CMTM8: variants seen among roughly 807,000 people sequenced by gnomAD.
CMTM8 encodes CKLF-like MARVEL transmembrane domain-containing protein 8.
Under a neutral mutation model 18.6 loss-of-function variants are expected in CMTM8, and 12 were observed. The ratio of observed to expected loss-of-function variants is 0.65; its 90% CI spans 0.41 to 1.05. The LOEUF is 1.05. CMTM8 is among the 50% of genes least tolerant of loss of function. CMTM8 has a pLI of 0.00. For synonymous variants in CMTM8, 87 were observed against 90.6 expected, an observed-to-expected ratio of 0.96 and a Z score of 0.23; for missense variants, 217 against 227.2, an observed-to-expected ratio of 0.95 and a Z score of 0.29.
chr3:32,313,464 G>A (rs1002540984), intron 1 of CMTM8, among the ~76,000 whole-genome samples: 9 of 151,992 alleles, frequency 5.9e-5, no homozygotes, highest in Middle Eastern at 3.2e-3. Flanking sequence ...CACTATGCCC[G>A]GCTAATTTTT....
intron 3 of CMTM8, among the ~76,000 whole-genome samples, chr3:32,368,918 T>C (rs1236754682): frequency 1.3e-5 from 2 of 152,174 alleles, no homozygotes; most frequent in South Asian, 4.1e-4. Context: ...GGGAGGCAGT[T>C]AGACAGAAAT....
intron 1 of CMTM8, among the ~76,000 whole-genome samples, chr3:32,265,740 A>T (rs1010172113): frequency 2.3e-4 from 35 of 152,228 alleles, no homozygotes; most frequent in Admixed American, 3.9e-4. Flanking sequence ...GAGAAGAATC[A>T]AATAGACGCA....
At chr3:32,283,111 G>A (rs184315745) in intron 1 of CMTM8, among the ~76,000 whole-genome samples, 6 of 152,086 alleles carry the variant, frequency 3.9e-5, no homozygotes, top group Admixed American at 6.6e-5. Flanking sequence ...CACATAACAC[G>A]CACTAAATAA....
At chr3:32,306,940 G>A (rs866083008) in intron 1 of CMTM8, among the ~76,000 whole-genome samples, 21 of 152,352 alleles carry the variant, frequency 1.4e-4, no homozygotes, top group Admixed American at 3.3e-4. Context: ...CAGGCACAGT[G>A]TCTCACGCCT....
At position 32,259,882 on chromosome 3, in the gene CMTM8, T is replaced by C. The variant is rs1212830240; in HGVS notation, c.147+20763T>C. 3.3e-6 allele frequency: 3 copies of C among 912,770 alleles called. No individual in the cohort carries two copies. The African/African-American group carries it at 4.9e-5, about 15-fold the overall frequency. The allele number at this position is 912,770 out of a possible 1,614,324, so 56.5% of individuals were successfully genotyped here. On this transcript the variant is annotated intron_variant, in intron 1 of 3. Transcript: ENST00000307526. ...AGATTGACCTGGACTCCATGAGAAA[T>C]GTGAAGGCCAGCCTGGAGAACAGCC...
intron 1 of CMTM8, among the ~76,000 whole-genome samples, chr3:32,344,250 G>A (rs1188835351): frequency 6.6e-6 from 1 of 152,218 alleles, no homozygotes; most frequent in African/African-American, 2.4e-5. Context: ...AATCCCCTGA[G>A]CTAAGCCAGC....
chr3:32,322,817 T>G (rs1696082770), intron 1 of CMTM8, among the ~76,000 whole-genome samples: 1 of 152,242 alleles, frequency 6.6e-6, no homozygotes, highest in African/African-American at 2.4e-5. Flanking sequence ...GGATTGCCTT[T>G]TTCTTTCATG....
intron 1 of CMTM8, among the ~76,000 whole-genome samples, chr3:32,322,207 G>A (rs529295551): frequency 6.6e-6 from 1 of 152,164 alleles, no homozygotes; most frequent in Non-Finnish European, 1.5e-5. Flanking sequence ...CCAACTGAGT[G>A]TGCAGTCCAA....
At chr3:32,283,547 G>A (rs1333204920) in intron 1 of CMTM8, among the ~76,000 whole-genome samples, 1 of 152,178 alleles carries the variant, frequency 6.6e-6, no homozygotes, top group African/African-American at 2.4e-5. Flanking sequence ...GTTTACTGAG[G>A]TGCCATTGAT....
At chr3:32,306,861 G>C (rs1249793069) in intron 1 of CMTM8, among the ~76,000 whole-genome samples, 1 of 152,148 alleles carries the variant, frequency 6.6e-6, no homozygotes, top group Admixed American at 6.5e-5. Context: ...GTCCTTGGGT[G>C]CCTCATTGGA....
intron 1 of CMTM8, among the ~76,000 whole-genome samples, chr3:32,270,895 C>T (rs1056854798): frequency 2.6e-5 from 4 of 151,932 alleles, no homozygotes; most frequent in Non-Finnish European, 5.9e-5. Context: ...ATAACATTAC[C>T]CACACCCCAG....
chr3:32,338,800 G>T (rs895165142), intron 1 of CMTM8, among the ~76,000 whole-genome samples: 1 of 152,190 alleles, frequency 6.6e-6, no homozygotes, highest in Non-Finnish European at 1.5e-5. Flanking sequence ...TGTACATAAG[G>T]AATTCAGGAT....
At chr3:32,313,515 G>C (rs758684116) in intron 1 of CMTM8, among the ~76,000 whole-genome samples, 1 of 152,086 alleles carries the variant, frequency 6.6e-6, no homozygotes, top group Non-Finnish European at 1.5e-5. Flanking sequence ...ATGTTGCCCA[G>C]GCTGGTCTCA....
intron 1 of CMTM8, among the ~76,000 whole-genome samples, chr3:32,331,901 T>C (rs977357130): frequency 1.3e-5 from 2 of 152,180 alleles, no homozygotes; most frequent in Non-Finnish European, 2.9e-5. Flanking sequence ...GGGGAGTTCC[T>C]ATTCAGTGCA....
intron 1 of CMTM8, among the ~76,000 whole-genome samples, chr3:32,288,648 C>A (rs1217282580): frequency 2.0e-5 from 3 of 152,214 alleles, no homozygotes; most frequent in Non-Finnish European, 1.5e-5. Context: ...CTACAGGCGC[C>A]CACCACCACG....
chr3:32,302,135 CA>C (rs11425966), intron 1 of CMTM8, among the ~76,000 whole-genome samples: 121 of 136,450 alleles, frequency 8.9e-4, no homozygotes, highest in South Asian at 1.4e-3. Context: ...CCTGTCTCTA[CA>C]AAAAAAAAAA....
chr3:32,318,277 A>C (rs947281836), intron 1 of CMTM8, among the ~76,000 whole-genome samples: 1 of 152,106 alleles, frequency 6.6e-6, no homozygotes, highest in Non-Finnish European at 1.5e-5. Context: ...AGGGACAAAG[A>C]GATTTCTCCC....
intron 1 of CMTM8, among the ~76,000 whole-genome samples, chr3:32,248,605 C>T (rs1417549878): frequency 6.6e-6 from 1 of 151,004 alleles, no homozygotes; most frequent in Non-Finnish European, 1.5e-5. Context: ...CTCAGGTGAT[C>T]CACCTGCCTC....
chr3:32,300,493 A>G (rs911241326), intron 1 of CMTM8, among the ~76,000 whole-genome samples: 7 of 151,864 alleles, frequency 4.6e-5, no homozygotes, highest in African/African-American at 1.4e-4. Flanking sequence ...TTTTTGGGGG[A>G]AAGGGGGAAT....
Sources: gnomAD v4.1 joint callset for allele counts (sites outside exome capture counted in the v4.1 genomes callset) on GRCh38, gnomAD v4.1.1 for gene constraint, MANE v1.5 for transcripts, NCBI Gene and HGNC (gene_info 2026-07-23, HGNC 2026-07-21) for gene names.